PARM1: variants seen among roughly 807,000 people sequenced by gnomAD.
The protein encoded by PARM1 is prostate androgen-regulated mucin-like protein 1, also known as WSC4, cell wall integrity and stress response component 4 homolog.
In PARM1, 14 loss-of-function variants were observed where a neutral mutation model predicts 24.6. That is an observed-to-expected ratio of 0.57 (90% CI 0.38 to 0.89). The LOEUF (loss-of-function observed/expected upper bound fraction) is 0.89, where lower values mean the gene tolerates loss of function less well. PARM1 is among the 40% of genes least tolerant of loss of function. PARM1 has a pLI of 0.00. For missense variants in PARM1, 362 were observed against 380.4 expected, an observed-to-expected ratio of 0.95 and a Z score of 0.40; for synonymous variants, 179 against 156.6, an observed-to-expected ratio of 1.14 and a Z score of -1.07.
chr4:74,947,657 A>C (rs1721435909), intron 1 of PARM1, among the ~76,000 whole-genome samples: 1 of 152,228 alleles, frequency 6.6e-6, no homozygotes, highest in Non-Finnish European at 1.5e-5. Flanking sequence ...TTATAGAAGA[A>C]ATGCTATGAT....
chr4:74,961,521 G>T (rs1721773969), intron 1 of PARM1, among the ~76,000 whole-genome samples: 1 of 152,218 alleles, frequency 6.6e-6, no homozygotes, highest in East Asian at 1.9e-4. Context: ...TAATCAGACT[G>T]TTGAAAGCCA....
intron 3 of PARM1, among the ~76,000 whole-genome samples, chr4:75,045,562 G>A (rs933580966): frequency 2.0e-5 from 3 of 152,210 alleles, no homozygotes; most frequent in Non-Finnish European, 1.5e-5. Context: ...TGGAGATGGG[G>A]ATTTGGCTGA....
At chr4:75,038,646 G>A (rs1434357178) in intron 3 of PARM1, among the ~76,000 whole-genome samples, 1 of 152,232 alleles carries the variant, frequency 6.6e-6, no homozygotes, top group Non-Finnish European at 1.5e-5. Flanking sequence ...TTGAATCCAT[G>A]TTACACATTT....
At chr4:75,001,471 A>T (rs1722679470) in intron 1 of PARM1, among the ~76,000 whole-genome samples, 1 of 152,144 alleles carries the variant, frequency 6.6e-6, no homozygotes, top group Admixed American at 6.6e-5. Flanking sequence ...ATCTTTGGAG[A>T]GTTAAGTGTT....
chr4:74,933,659 A>C (rs1721115153), intron 1 of PARM1, among the ~76,000 whole-genome samples: 1 of 152,228 alleles, frequency 6.6e-6, no homozygotes, highest in African/African-American at 2.4e-5. Flanking sequence ...CAGAGTGGGC[A>C]ACACGGACTG....
chr4:75,045,558 T>C (rs1340728889), intron 3 of PARM1, among the ~76,000 whole-genome samples: 4 of 152,214 alleles, frequency 2.6e-5, no homozygotes, highest in South Asian at 2.1e-4. Context: ...ATAATGGAGA[T>C]GGGGATTTGG....
intron 1 of PARM1, among the ~76,000 whole-genome samples, chr4:74,983,611 AT>A (rs1489392547): frequency 6.6e-6 from 1 of 152,138 alleles, no homozygotes; most frequent in East Asian, 1.9e-4. Context: ...CCATGGCTCT[AT>A]TCCTTCAACA....
intron 2 of PARM1, among the ~76,000 whole-genome samples, chr4:75,021,057 A>T (rs1439440844): frequency 1.3e-5 from 2 of 152,154 alleles, no homozygotes; most frequent in African/African-American, 4.8e-5. Context: ...TTGGCTCACA[A>T]ATATATTCCC....
At chr4:74,952,432 CTTTAG>C (rs1273332900) in intron 1 of PARM1, among the ~76,000 whole-genome samples, 2 of 152,168 alleles carry the variant, frequency 1.3e-5, no homozygotes, top group African/African-American at 4.8e-5. Flanking sequence ...TGCAGAAGCT[CTTTAG>C]TTTATTTATA....
intron 1 of PARM1, among the ~76,000 whole-genome samples, chr4:74,944,040 G>A (rs1349806032): frequency 6.6e-6 from 1 of 152,190 alleles, no homozygotes. Context: ...CTTAGCTGAG[G>A]TGGGGGAAGG....
chr4:75,016,914 T>C (rs977480547), intron 2 of PARM1, among the ~76,000 whole-genome samples: 1 of 152,160 alleles, frequency 6.6e-6, no homozygotes, highest in Admixed American at 6.5e-5. Flanking sequence ...TGTCAGCCAA[T>C]TCATCATCTC....
rs1030811430 is a variant in PARM1 at position 74,981,988 on chromosome 4, C to T, written c.44-30437C>T. Among the ~76,000 whole-genome samples the T allele has an allele frequency of 8.5e-5, 13 of 152,048 alleles. No homozygotes were observed. In the East Asian group the frequency reaches 1.7e-3, roughly 20 times the overall value. On this transcript the variant is annotated intron_variant, in intron 1 of 3. Transcript: ENST00000307428. ...ATAAATCATTCTGTTATAAGATACC[C>T]GCACTCATATGTTCATTGCAGCACT...
intron 3 of PARM1, among the ~76,000 whole-genome samples, chr4:75,035,279 T>C (rs375413323): frequency 1.3e-5 from 2 of 152,200 alleles, no homozygotes; most frequent in Non-Finnish European, 2.9e-5. Flanking sequence ...TTGTTTATTG[T>C]CTCTTTTCCC....
At chr4:74,966,333 C>A (rs901675650) in intron 1 of PARM1, among the ~76,000 whole-genome samples, 1 of 152,124 alleles carries the variant, frequency 6.6e-6, no homozygotes. Flanking sequence ...TCAGGCTCAA[C>A]TCTAAATACA....
chr4:74,969,677 T>TA (rs1202229985), intron 1 of PARM1: 21 of 152,208 alleles, frequency 1.4e-4, no homozygotes, highest in Non-Finnish European at 2.4e-4. Context: ...AAATAAAAGT[T>TA]AAAAGACTGA....
In PARM1 at chr4:75,048,131, A is replaced by G. The variant is rs1421276634; in HGVS notation, c.*1884A>G. 1 of 152,196 alleles carries G rather than the reference A, an allele frequency of 6.6e-6. No individual in the cohort carries two copies. The highest frequency in any genetic ancestry group is 1.5e-5 in the Non-Finnish European group (1 of 68,044). 9.4% of individuals were successfully genotyped at this position (152,196 alleles called of 1,614,324 possible). The stretch of plus-strand genomic sequence containing the variant: ...CCTGTCTCTGGCTGTGGCCCGGCAA[A>G]GCACTGAAAACCCCTCTGGTCTCAG... On this transcript the variant is annotated 3_prime_UTR_variant, in exon 4 of 4. Transcript: ENST00000307428.
At chr4:74,971,916 G>A (rs886817938) in intron 1 of PARM1, among the ~76,000 whole-genome samples, 4 of 152,204 alleles carry the variant, frequency 2.6e-5, no homozygotes, top group Non-Finnish European at 5.9e-5. Context: ...TAGCTGGATG[G>A]TGTCTGCTCC....
At chr4:74,969,311 T>C (rs1348209962) in intron 1 of PARM1, among the ~76,000 whole-genome samples, 1 of 152,152 alleles carries the variant, frequency 6.6e-6, no homozygotes, top group Non-Finnish European at 1.5e-5. Context: ...TGTAGGCACT[T>C]AGAGGGAAAG....
intron 2 of PARM1, among the ~76,000 whole-genome samples, chr4:75,015,411 G>T (rs190810149): frequency 1.5e-3 from 230 of 152,282 alleles, no homozygotes; most frequent in African/African-American, 4.9e-3. Flanking sequence ...TTAAATGACT[G>T]GGGAAGAGAG....
Sources: allele counts gnomAD v4.1 joint callset (sites outside exome capture counted in the v4.1 genomes callset), GRCh38; gene constraint gnomAD v4.1.1; transcripts MANE v1.5; gene names NCBI Gene and HGNC (gene_info 2026-07-23, HGNC 2026-07-21).